The following STXBP6 variants were observed in gnomAD, a reference collection of about 807,000 sequenced individuals.
STXBP6 encodes the protein syntaxin binding protein 6, also known as syntaxin-binding protein 6.
Under a neutral mutation model 26.9 loss-of-function variants are expected in STXBP6, and 21 were observed. The ratio of observed to expected loss-of-function variants is 0.78; its 90% CI spans 0.55 to 1.12. The LOEUF is 1.12. Ranked by LOEUF, STXBP6 falls within the 50% of genes most tolerant of loss-of-function variation. The pLI, the probability that STXBP6 is intolerant of heterozygous loss-of-function variation, is 0.00. For missense variants in STXBP6, 232 were observed against 257.9 expected (o/e 0.90, Z 0.69); for synonymous variants, 97 against 92.6 (o/e 1.05, Z -0.27).
chr14:24,828,236 G>A (rs956447001), intron 4 of STXBP6, among the ~76,000 whole-genome samples: 1 of 152,030 alleles, frequency 6.6e-6, no homozygotes, highest in African/African-American at 2.4e-5. Context: ...CAGGGACAGT[G>A]CTAAAATGAA....
intron 2 of STXBP6, among the ~76,000 whole-genome samples, chr14:24,963,921 A>C (rs1374224159): frequency 1.3e-5 from 2 of 151,008 alleles, no homozygotes; most frequent in Non-Finnish European, 3.0e-5. Flanking sequence ...CAAGGGAATT[A>C]AAAGACCACC....
chr14:24,853,213 G>A (rs934790281), intron 4 of STXBP6, among the ~76,000 whole-genome samples: 1 of 152,052 alleles, frequency 6.6e-6, no homozygotes, highest in Non-Finnish European at 1.5e-5. Flanking sequence ...TCCTAAAGAT[G>A]TGGAAGATAC....
intron 2 of STXBP6, among the ~76,000 whole-genome samples, chr14:24,902,490 C>A (rs549547300): frequency 5.4e-4 from 82 of 152,224 alleles, no homozygotes; most frequent in African/African-American, 1.9e-3. Context: ...TATTATTTTG[C>A]CTACCATAGA....
intron 2 of STXBP6, among the ~76,000 whole-genome samples, chr14:24,863,835 C>T (rs1332715458): frequency 6.6e-6 from 1 of 152,120 alleles, no homozygotes; most frequent in African/African-American, 2.4e-5. Context: ...ATAAAGGGAA[C>T]ACATACAATG....
intron 4 of STXBP6, among the ~76,000 whole-genome samples, chr14:24,823,446 G>A (rs1309209525): frequency 1.3e-5 from 2 of 152,140 alleles, no homozygotes; most frequent in African/African-American, 4.8e-5. Flanking sequence ...ACATCAGGGT[G>A]TATCTTGGTA....
In STXBP6 at chr14:24,914,151, C is replaced by T. The variant is rs897941932; in HGVS notation, c.155-56994G>A. Among the ~76,000 whole-genome samples the T allele has an allele frequency of 2.0e-5, 3 of 152,220 alleles. 1 individual carries two copies. Among genetic ancestry groups the T allele is most frequent in the Middle Eastern group, 6.8e-3 (2 of 294 alleles). On this transcript the variant is annotated intron_variant, in intron 2 of 5. Transcript: ENST00000323944. ...ATTTTATCTTACAGGTACCTTAATTCCTAGCAGCTGAGGTTGACATATTTC... is the reference window on the plus strand; with the variant it reads ...ATTTTATCTTACAGGTACCTTAATTTCTAGCAGCTGAGGTTGACATATTTC...
chr14:24,893,912 A>G (rs1181772626), intron 2 of STXBP6, among the ~76,000 whole-genome samples: 1 of 152,200 alleles, frequency 6.6e-6, no homozygotes, highest in Non-Finnish European at 1.5e-5. Context: ...TTATAAAAAG[A>G]CCATATAACA....
At chr14:24,938,290 T>C (rs2072673882) in intron 2 of STXBP6, among the ~76,000 whole-genome samples, 1 of 152,130 alleles carries the variant, frequency 6.6e-6, no homozygotes, top group South Asian at 2.1e-4. Flanking sequence ...AGGCTTAGGA[T>C]GGTTTATCTC....
intron 2 of STXBP6, among the ~76,000 whole-genome samples, chr14:24,969,920 C>A (rs538648650): frequency 6.6e-6 from 1 of 152,252 alleles, no homozygotes. Context: ...ATCTTTCCCA[C>A]TAGCGACTCT....
At chr14:24,929,214 G>A (rs546674297) in intron 2 of STXBP6, among the ~76,000 whole-genome samples, 1 of 152,276 alleles carries the variant, frequency 6.6e-6, no homozygotes, top group East Asian at 1.9e-4. Context: ...AAAGTCATAG[G>A]CATTTCAGAT....
chr14:24,966,749 T>C (rs147596434), intron 2 of STXBP6, among the ~76,000 whole-genome samples: 163 of 152,340 alleles, frequency 1.1e-3, no homozygotes, highest in African/African-American at 3.6e-3. Context: ...AACAAATTCA[T>C]ATTTGGCAGT....
chr14:24,936,545 TC>T (rs1440385449), intron 2 of STXBP6, among the ~76,000 whole-genome samples: 3 of 152,202 alleles, frequency 2.0e-5, no homozygotes, highest in Admixed American at 1.3e-4. Context: ...CATATCCAAG[TC>T]ATCACTGATT....
At chr14:25,033,881 A>T (rs2140477935) in intron 1 of STXBP6, among the ~76,000 whole-genome samples, 1 of 152,348 alleles carries the variant, frequency 6.6e-6, no homozygotes, top group East Asian at 1.9e-4. Flanking sequence ...ATGAAAAGAC[A>T]GAGATCTAAG....
chr14:24,820,776 C>T (rs2068111761), intron 4 of STXBP6, among the ~76,000 whole-genome samples: 2 of 152,166 alleles, frequency 1.3e-5, no homozygotes. Context: ...TTGAGACTAG[C>T]AGAGGTTAAG....
chr14:24,893,381 A>C (rs1292034847), intron 2 of STXBP6, among the ~76,000 whole-genome samples: 2 of 152,192 alleles, frequency 1.3e-5, no homozygotes, highest in African/African-American at 4.8e-5. Flanking sequence ...AAGGTACACA[A>C]AAATTAAGGA....
At chr14:24,913,365 G>A (rs1438949667) in intron 2 of STXBP6, among the ~76,000 whole-genome samples, 1 of 152,136 alleles carries the variant, frequency 6.6e-6, no homozygotes, top group Non-Finnish European at 1.5e-5. Context: ...ACAAAGAAAT[G>A]ATAAATGTTT....
intron 2 of STXBP6, among the ~76,000 whole-genome samples, chr14:24,923,298 T>C (rs1303281513): frequency 2.6e-5 from 4 of 152,206 alleles, no homozygotes; most frequent in African/African-American, 9.6e-5. Flanking sequence ...TTGTGGGGTT[T>C]ATTCATGTTG....
intron 4 of STXBP6, among the ~76,000 whole-genome samples, chr14:24,821,700 A>G (rs2068139837): frequency 6.6e-6 from 1 of 151,750 alleles, no homozygotes; most frequent in African/African-American, 2.4e-5. Context: ...CCTCCACTCA[A>G]CTCCCTAAAT....
intron 2 of STXBP6, among the ~76,000 whole-genome samples, chr14:24,896,145 G>A (rs1259695952): frequency 1.3e-5 from 2 of 152,102 alleles, no homozygotes; most frequent in Non-Finnish European, 2.9e-5. Context: ...CCTTCCAGAT[G>A]AATTCTTCGG....
Sources: allele counts gnomAD v4.1 joint callset (sites outside exome capture counted in the v4.1 genomes callset), GRCh38; gene constraint gnomAD v4.1.1; transcripts MANE v1.5; gene names NCBI Gene and HGNC (gene_info 2026-07-23, HGNC 2026-07-21).